The following CAVIN1 variants were observed in gnomAD, a reference collection of about 807,000 sequenced individuals.
CAVIN1 encodes caveolae associated protein 1.
A neutral mutation model predicts 24.0 loss-of-function variants in CAVIN1; 16 were observed. That is an observed-to-expected ratio of 0.67 (90% CI 0.45 to 1.01). CAVIN1 has a LOEUF of 1.01. Ranked by LOEUF, CAVIN1 falls within the 50% of genes least tolerant of loss-of-function variation. The probability of loss-of-function intolerance (pLI) is 0.00; values close to 1 mark genes in which losing one functional copy is unlikely to be tolerated. For synonymous variants in CAVIN1, 256 were observed against 256.4 expected, an observed-to-expected ratio of 1.00 and a Z score of 0.02; for missense variants, 510 against 551.7, an observed-to-expected ratio of 0.92 and a Z score of 0.76.
intron 1 of CAVIN1, among the ~76,000 whole-genome samples, chr17:42,405,691 T>G (rs1305089088): frequency 7.1e-5 from 4 of 56,528 alleles, no homozygotes; most frequent in African/African-American, 1.6e-4. Flanking sequence ...TGTTTTTTTT[T>G]TTTTTTTTTT....
At chr17:42,420,860 T>C (rs999919818) in intron 1 of CAVIN1, among the ~76,000 whole-genome samples, 1 of 152,134 alleles carries the variant, frequency 6.6e-6, no homozygotes, top group Non-Finnish European at 1.5e-5. Flanking sequence ...CTCTTCATGG[T>C]GGCTCTCGGC....
chr17:42,408,140 A>G (rs995350941), intron 1 of CAVIN1, among the ~76,000 whole-genome samples: 1 of 152,028 alleles, frequency 6.6e-6, no homozygotes, highest in African/African-American at 2.4e-5. Context: ...AACTCAGACA[A>G]TGTGAATAGG....
intron 1 of CAVIN1, chr17:42,411,647 C>T (rs1598574724): frequency 1.0e-6 from 1 of 985,208 alleles, no homozygotes; most frequent in Non-Finnish European, 1.2e-6. Flanking sequence ...CAGAACAGAC[C>T]CCAGGCCTGA....
At position 42,405,264 on chromosome 17, in the gene CAVIN1, A is replaced by G. The variant is rs758438397; in HGVS notation, c.596T>C (p.Leu199Pro). The G allele has an allele frequency of 1.9e-6, 3 of 1,613,110 alleles. No homozygotes were observed. The highest frequency in any genetic ancestry group is 2.5e-6 in the Non-Finnish European group (3 of 1,179,950). Residue 199 changes from leucine (L) to proline (P), a missense_variant, in exon 2 of 2, where the codon CTG (leucine) becomes CCG (proline). Transcript: ENST00000357037. ...GERPEEDAAALELSSDEAVEV... is the reference protein window; with the variant it reads ...GERPEEDAAAPELSSDEAVEV... ...CACCGCCTCGTCCGACGAAAGCTCC[A>G]GCGCCGCTGCGTCCTCCTCGGGCCG...
intron 1 of CAVIN1, among the ~76,000 whole-genome samples, chr17:42,411,192 CA>C (rs71157624): frequency 2.6e-4 from 12 of 46,668 alleles, no homozygotes; most frequent in Admixed American, 8.0e-4. Context: ...GACTATGTCT[CA>C]AAAAAAAAAA....
At chr17:42,419,957 G>A (rs2085535358) in intron 1 of CAVIN1, among the ~76,000 whole-genome samples, 1 of 150,710 alleles carries the variant, frequency 6.6e-6, no homozygotes, top group South Asian at 2.1e-4. Context: ...ATTAAGTCTA[G>A]AAGTTCCCTG....
chr17:42,412,102 T>G, intron 1 of CAVIN1: 1 of 985,074 alleles, frequency 1.0e-6, no homozygotes, highest in Non-Finnish European at 1.2e-6. Flanking sequence ...AGGCTCTGGG[T>G]AATATGGCAG....
intron 1 of CAVIN1, among the ~76,000 whole-genome samples, chr17:42,422,155 C>T (rs555995495): frequency 3.2e-4 from 48 of 152,292 alleles, no homozygotes; most frequent in African/African-American, 9.9e-4. Context: ...CTATATCAGG[C>T]CCGCAGGCGC....
intron 1 of CAVIN1, chr17:42,412,354 A>T: frequency 6.1e-6 from 4 of 658,522 alleles, no homozygotes; most frequent in Non-Finnish European, 7.5e-6. Context: ...GTGAGTAGGG[A>T]GGGGAGCACA....
At chr17:42,412,536 G>A (rs190724401) in intron 1 of CAVIN1, among the ~76,000 whole-genome samples, 1 of 144,844 alleles carries the variant, frequency 6.9e-6, no homozygotes, top group East Asian at 2.1e-4. Flanking sequence ...TAGGACTACA[G>A]TTGTGTACCA....
chr17:42,422,414 C>A (rs1046534217), intron 1 of CAVIN1, among the ~76,000 whole-genome samples: 2 of 152,112 alleles, frequency 1.3e-5, no homozygotes, highest in African/African-American at 4.8e-5. Flanking sequence ...CGCCCCTCTA[C>A]GCGCCCCAGG....
intron 1 of CAVIN1, among the ~76,000 whole-genome samples, chr17:42,417,427 C>CT (rs1303383472): frequency 6.9e-6 from 1 of 145,056 alleles, no homozygotes; most frequent in East Asian, 2.0e-4. Flanking sequence ...CCACTGCACT[C>CT]TAGCCTGAGC....
chr17:42,407,467 C>T (rs2085452526), intron 1 of CAVIN1, among the ~76,000 whole-genome samples: 1 of 152,096 alleles, frequency 6.6e-6, no homozygotes, highest in Non-Finnish European at 1.5e-5. Flanking sequence ...AGCCCCCAAC[C>T]TCTTTCCTCT....
Position 42,423,230 on chromosome 17 carries a change from G to C in CAVIN1, c.-133C>G, listed in dbSNP as rs538472626. On this transcript the variant is annotated 5_prime_UTR_variant, in exon 1 of 2. Transcript: ENST00000357037. Reference sequence around the variant, plus strand: ...AGCAGAGGAAACTCGAGCCACGTCCGTGCGCACCGGGACAGCGGCCAGAAC... The same window carrying C: ...AGCAGAGGAAACTCGAGCCACGTCCCTGCGCACCGGGACAGCGGCCAGAAC... 5.9e-4 allele frequency: 431 copies of C among 726,210 alleles called. 6 individuals are homozygous for C. In the East Asian group the frequency reaches 0.011, roughly 18 times the overall value. The allele number at this position is 726,210 out of a possible 1,614,324, so 45.0% of individuals were successfully genotyped here.
intron 1 of CAVIN1, among the ~76,000 whole-genome samples, chr17:42,414,993 T>C (rs1245254053): frequency 8.5e-6 from 1 of 118,244 alleles, no homozygotes; most frequent in Non-Finnish European, 1.7e-5. Context: ...CCCCTCCCAC[T>C]GTCACCAGGC....
At chr17:42,421,425 C>A (rs983328273) in intron 1 of CAVIN1, among the ~76,000 whole-genome samples, 13 of 152,130 alleles carry the variant, frequency 8.5e-5, no homozygotes, top group African/African-American at 2.9e-4. Context: ...CTTTCCATTC[C>A]CTTCAGCAGG....
At chr17:42,405,545 C>T (rs938616021) in intron 1 of CAVIN1, among the ~76,000 whole-genome samples, 157 bp from the exon 2 acceptor site, 2 of 152,034 alleles carry the variant, frequency 1.3e-5, no homozygotes, top group Non-Finnish European at 2.9e-5. Context: ...TAGGCTCACG[C>T]CTGTAATATT....
chr17:42,404,593 T>C lies in CAVIN1; in HGVS notation c.*94A>G, dbSNP rs2085430176. 1.1e-6 allele frequency: 1 copy of C among 890,046 alleles called. No individual in the cohort carries two copies. Among genetic ancestry groups the C allele is most frequent in the Admixed American group, 3.9e-5 (1 of 25,906 alleles). 55.1% of individuals were successfully genotyped at this position (890,046 alleles called of 1,614,324 possible). On this transcript the variant is annotated 3_prime_UTR_variant, in exon 2 of 2. Transcript: ENST00000357037. ...TGTGGGGAGGGGGGCGTGTTTTCAA[T>C]TTAGAAAAATCTCAGCCAGCTCGAG... is the stretch of plus-strand genomic sequence containing the variant.
At chr17:42,419,488 T>C (rs2085532399) in intron 1 of CAVIN1, among the ~76,000 whole-genome samples, 2 of 151,744 alleles carry the variant, frequency 1.3e-5, no homozygotes, top group Admixed American at 6.6e-5. Flanking sequence ...AATTTTTGTA[T>C]TTTAGTAGAG....
Sources: gnomAD v4.1 joint callset for allele counts (sites outside exome capture counted in the v4.1 genomes callset) on GRCh38, gnomAD v4.1.1 for gene constraint, MANE v1.5 for transcripts, NCBI Gene and HGNC (gene_info 2026-07-23, HGNC 2026-07-21) for gene names.